The following AHCY variants were observed in gnomAD, a reference collection of about 807,000 sequenced individuals.
AHCY encodes adenosylhomocysteinase, also known as S-adenosyl-L-homocysteine hydrolase.
A neutral mutation model predicts 45.4 loss-of-function variants in AHCY; 24 were observed. The ratio of observed to expected loss-of-function variants is 0.53; its 90% CI spans 0.38 to 0.74. The LOEUF is 0.74. AHCY is among the 30% of genes least tolerant of loss of function. The pLI is 0.00. For missense variants in AHCY, 449 were observed against 594.1 expected, an observed-to-expected ratio of 0.76 and a Z score of 2.54; for synonymous variants, 245 against 235.1, an observed-to-expected ratio of 1.04 and a Z score of -0.39.
the AHCY span, among the ~76,000 whole-genome samples, chr20:34,243,936 G>T: frequency 6.6e-6 from 1 of 152,080 alleles, no homozygotes; most frequent in African/African-American, 2.4e-5. Flanking sequence ...GTGGTGGCGG[G>T]CGCCTGTAGT....
chr20:34,245,415 G>A, the AHCY span, among the ~76,000 whole-genome samples: 2 of 150,298 alleles, frequency 1.3e-5, no homozygotes, highest in African/African-American at 4.9e-5. Context: ...TTTAGACAGA[G>A]TCTCACTCTG....
chr20:34,235,580 A>G, the AHCY span, among the ~76,000 whole-genome samples: 1 of 152,114 alleles, frequency 6.6e-6, no homozygotes, highest in Non-Finnish European at 1.5e-5. Flanking sequence ...CTTTCTTAGC[A>G]CGATAACAAT....
the AHCY span, among the ~76,000 whole-genome samples, chr20:34,245,333 C>CAAA: frequency 1.6e-5 from 1 of 63,604 alleles, no homozygotes; most frequent in Non-Finnish European, 3.6e-5. Context: ...GACTCTGTCT[C>CAAA]AAAAAAAAAA....
chr20:34,274,252 C>T, the AHCY span, among the ~76,000 whole-genome samples: 125 of 152,298 alleles, frequency 8.2e-4, no homozygotes, highest in African/African-American at 2.8e-3. Context: ...GACACCAAGA[C>T]TATCAAATTA....
At chr20:34,282,085 C>A (rs35038733) in intron 9 of AHCY, among the ~76,000 whole-genome samples, 2 of 152,112 alleles carry the variant, frequency 1.3e-5, no homozygotes, top group African/African-American at 4.8e-5. Context: ...GAATTAGAGC[C>A]TAATCCCCAC....
At chr20:34,265,346 A>T in the AHCY span, among the ~76,000 whole-genome samples, 5 of 151,888 alleles carry the variant, frequency 3.3e-5, no homozygotes, top group Admixed American at 3.3e-4. Flanking sequence ...AACATGATGA[A>T]ACCTCATCTC....
In AHCY at chr20:34,280,701, A is replaced by T; in HGVS notation, c.*333T>A. The stretch of plus-strand genomic sequence containing the variant: ...GTCCACAGACCAGGTGAAGGCCTAG[A>T]TGGCAAAACACATGGGCTTTGTGAC... On this transcript the variant is annotated 3_prime_UTR_variant, in exon 10 of 10. Coordinates refer to ENST00000217426, the MANE Select transcript of AHCY (RefSeq NM_000687.4). 1 of 394,748 alleles carries T rather than the reference A, an allele frequency of 2.5e-6. No homozygotes were observed. Among genetic ancestry groups the T allele is most frequent in the South Asian group, 2.2e-5 (1 of 45,210 alleles). The allele number at this position is 394,748 out of a possible 1,614,324, so 24.5% of individuals were successfully genotyped here.
chr20:34,241,808 A>G, the AHCY span, among the ~76,000 whole-genome samples: 15 of 152,234 alleles, frequency 9.9e-5, no homozygotes, highest in Admixed American at 9.2e-4. Flanking sequence ...TCACACTTTA[A>G]TGCTTCTTTA....
intron 8 of AHCY, among the ~76,000 whole-genome samples, chr20:34,289,129 G>A (rs555434161): frequency 3.3e-5 from 5 of 151,286 alleles, no homozygotes; most frequent in Admixed American, 2.6e-4. Context: ...TCAGCCTCCC[G>A]AGTAGCTGGG....
At chr20:34,260,392 A>G in the AHCY span, 1 of 1,613,252 alleles carries the variant, frequency 6.2e-7, no homozygotes, top group East Asian at 2.2e-5. Context: ...TCACCCGCTT[A>G]CTCCTGGCCA....
chr20:34,244,013 C>T, the AHCY span, among the ~76,000 whole-genome samples: 2 of 152,088 alleles, frequency 1.3e-5, no homozygotes, highest in East Asian at 1.9e-4. Flanking sequence ...TGCAGTGAGC[C>T]GAGATTGCGC....
the AHCY span, among the ~76,000 whole-genome samples, chr20:34,243,389 G>T: frequency 6.6e-6 from 1 of 152,188 alleles, no homozygotes; most frequent in African/African-American, 2.4e-5. Context: ...AGTCACAATA[G>T]TGAAATCGGT....
At chr20:34,262,371 A>G in the AHCY span, among the ~76,000 whole-genome samples, 5 of 152,206 alleles carry the variant, frequency 3.3e-5, no homozygotes, top group African/African-American at 1.2e-4. Flanking sequence ...TCAGGATTCA[A>G]ATCAGGTCCT....
At chr20:34,259,765 C>T in the AHCY span, among the ~76,000 whole-genome samples, 3 of 151,800 alleles carry the variant, frequency 2.0e-5, no homozygotes, top group African/African-American at 7.3e-5. Flanking sequence ...AAAAAAAATC[C>T]AGCTAGCAAA....
chr20:34,294,128 GAGA>G lies in AHCY; in HGVS notation c.245_247del (p.Phe82del), dbSNP rs781054552. 6.8e-6 allele frequency: 11 copies of G among 1,613,786 alleles called. No homozygotes were observed. Among genetic ancestry groups the G allele is most frequent in the Non-Finnish European group, 9.3e-6 (11 of 1,180,034 alleles). ...GGCAGCCGCCGCATGGTCCTGGGTG[GAGA>G]AGATGTTGCAGCTGGACCACTGCAC... On this transcript the variant is annotated inframe_deletion, in exon 3 of 10. Transcript: ENST00000217426.
At chr20:34,236,066 GAA>G in the AHCY span, among the ~76,000 whole-genome samples, 15 of 138,454 alleles carry the variant, frequency 1.1e-4, no homozygotes, top group South Asian at 2.5e-4. Context: ...AGGAGAGAGA[GAA>G]AGAAAGAGAA....
the AHCY span, chr20:34,246,661 T>C: frequency 2.0e-6 from 1 of 501,820 alleles, no homozygotes; most frequent in South Asian, 1.8e-5. Flanking sequence ...TTTCGCCATG[T>C]TGCCCAGGCT....
rs1003687429 is a variant in AHCY, at chr20:34,290,134, C to T, written c.972+198G>A. On this transcript the variant is annotated intron_variant, in intron 8 of 9. Coordinates refer to ENST00000217426, the MANE Select transcript of AHCY (RefSeq NM_000687.4). The surrounding 1 kb of genome is among the most constrained non-coding windows in gnomAD (Gnocchi z 4.5). ...AAAACTACAGCCTCACCACATACAGCTCACCTGCCTGATACCTTCAGGGAT... is the reference window on the plus strand; with the variant it reads ...AAAACTACAGCCTCACCACATACAGTTCACCTGCCTGATACCTTCAGGGAT... 6.6e-6 allele frequency among the ~76,000 whole-genome samples: 1 copy of T among 152,226 alleles called. No homozygotes were observed. The highest frequency in any genetic ancestry group is 2.4e-5 in the African/African-American group (1 of 41,452).
chr20:34,288,856 G>A (rs2036273923), intron 8 of AHCY, among the ~76,000 whole-genome samples: 1 of 151,984 alleles, frequency 6.6e-6, no homozygotes, highest in Admixed American at 6.6e-5. Context: ...CATAATAATT[G>A]CAACTCAAGT....
Sources: gnomAD v4.1 joint callset for allele counts (sites outside exome capture counted in the v4.1 genomes callset) on GRCh38, gnomAD v4.1.1 for gene constraint, Gnocchi (gnomAD v3.1) non-coding constraint, MANE v1.5 for transcripts, NCBI Gene and HGNC (gene_info 2026-07-23, HGNC 2026-07-21) for gene names.